ZNF549: variants seen among roughly 807,000 people sequenced by gnomAD.
ZNF549 encodes the protein zinc finger protein 549.
In ZNF549, 11 loss-of-function variants were observed where a neutral mutation model predicts 11.1. The observed-to-expected ratio is 0.99, with a 90% confidence interval of 0.62 to 1.64. ZNF549 has a LOEUF of 1.64. ZNF549 is among the 40% of genes most tolerant of loss of function. The pLI, the probability that ZNF549 is intolerant of heterozygous loss-of-function variation, is 0.00. For missense variants in ZNF549, 748 were observed against 765.1 expected (o/e 0.98, Z 0.26); for synonymous variants, 266 against 269.1 (o/e 0.99, Z 0.11).
Position 57,538,847 on chromosome 19 carries a change from T to C in ZNF549, c.1843T>C (p.Cys615Arg), listed in dbSNP as rs2089941610. The C allele has an allele frequency of 2.5e-6, 4 of 1,613,318 alleles. No individual in the cohort carries two copies. Among genetic ancestry groups the C allele is most frequent in the South Asian group, 1.1e-5 (1 of 91,086 alleles). ...CCACACCGGAGAAAAGCCGTATGAA[T>C]GTGGTAAATGTGGGAAAGCCTTCAA... The part of the protein sequence containing the change: ...RIHTGEKPYE[C>R]GKCGKAFNKR... Residue 615 changes from cysteine (C) to arginine (R), a missense_variant, in exon 4 of 4, where the codon TGT (cysteine) becomes CGT (arginine). By Grantham distance (180) the Cys-to-Arg change is radical (BLOSUM62 -3). Coordinates refer to ENST00000376233, the MANE Select transcript of ZNF549 (RefSeq NM_001199295.2).
rs2089937531 is a variant in ZNF549, at chr19:57,538,360, A to G, written c.1356A>G (p.Lys452=). The part of the protein sequence containing the change: ...EKPYVCIICG[K]SFIRSSDYMR... ...CTTATGTGTGCATCATATGTGGGAAATCATTTATCCGCTCGTCTGACTACA... is the reference window on the plus strand; with the variant it reads ...CTTATGTGTGCATCATATGTGGGAAGTCATTTATCCGCTCGTCTGACTACA... Residue 452 remains lysine, a synonymous_variant, in exon 4 of 4, where the codon AAA becomes AAG. Transcript: ENST00000376233. The G allele has an allele frequency of 3.7e-6, 6 of 1,613,928 alleles. No individual in the cohort carries two copies. In the Admixed American group the frequency reaches 5.0e-5, roughly 13 times the overall value.
At chr19:57,532,400 AG>A (rs2089907875) in intron 2 of ZNF549, among the ~76,000 whole-genome samples, 1 of 152,194 alleles carries the variant, frequency 6.6e-6, no homozygotes, top group African/African-American at 2.4e-5. Context: ...AATAGCTCTC[AG>A]GGAGTGGACT....
intron 1 of ZNF549, among the ~76,000 whole-genome samples, chr19:57,529,854 C>T (rs1489808365): frequency 1.3e-5 from 2 of 151,866 alleles, no homozygotes; most frequent in Admixed American, 6.6e-5. Context: ...CCACTACACT[C>T]CAGCCTGGGC....
intron 1 of ZNF549, among the ~76,000 whole-genome samples, chr19:57,528,685 T>G (rs1349789858): frequency 6.6e-6 from 1 of 152,192 alleles, no homozygotes; most frequent in Non-Finnish European, 1.5e-5. Flanking sequence ...TCAGAAGACT[T>G]GGCGAACTGT....
intron 1 of ZNF549, among the ~76,000 whole-genome samples, chr19:57,527,902 T>A (rs1390580869): frequency 6.6e-6 from 1 of 152,150 alleles, no homozygotes; most frequent in African/African-American, 2.4e-5. Flanking sequence ...CATGGCAGCC[T>A]GAGCAACCGG....
In ZNF549 at chr19:57,527,427, A is replaced by G; in HGVS notation, c.-147A>G. The stretch of plus-strand genomic sequence containing the variant: ...CGCTGGGTCCGGGCCAGGTAACTGG[A>G]GCCGGAAACCGGTGGAGGTGGTGTC... On this transcript the variant is annotated 5_prime_UTR_variant, in exon 1 of 4. Coordinates refer to ENST00000376233, the MANE Select transcript of ZNF549 (RefSeq NM_001199295.2). 2 of 1,169,870 alleles carry G rather than the reference A, an allele frequency of 1.7e-6. No individual in the cohort carries two copies. Among genetic ancestry groups the G allele is most frequent in the East Asian group, 2.6e-5 (1 of 38,798 alleles). The allele number at this position is 1,169,870 out of a possible 1,614,324, so 72.5% of individuals were successfully genotyped here. A position where few individuals can be genotyped will look rare whatever the true frequency, so the allele number is the denominator to read the frequency against.
Position 57,534,939 on chromosome 19 carries a change from A to G in ZNF549, c.73-205A>G, listed in dbSNP as rs551441424. Among the ~76,000 whole-genome samples, 4 of 152,294 alleles carry G rather than the reference A, an allele frequency of 2.6e-5. No individual in the cohort carries two copies. In the East Asian group the frequency reaches 7.7e-4, roughly 29 times the overall value. On this transcript the variant is annotated intron_variant, in intron 2 of 3. Transcript: ENST00000376233. ...ACTGGCACTTTAAACCAAGATGGTA[A>G]GCACAGGTTTCAGTATCTGGGTCTC...
intron 2 of ZNF549, among the ~76,000 whole-genome samples, chr19:57,534,163 C>G (rs749057578): frequency 3.9e-5 from 6 of 152,104 alleles, no homozygotes; most frequent in Non-Finnish European, 8.8e-5. Flanking sequence ...ATGACTGGGT[C>G]TCTTGCATGG....
Position 57,537,375 on chromosome 19 carries a change from G to A in ZNF549, c.371G>A (p.Gly124Glu), listed in dbSNP as rs1600165725. 1 of 1,614,148 alleles carries A rather than the reference G, an allele frequency of 6.2e-7. No individual in the cohort carries two copies. Residue 124 changes from glycine to glutamate, a missense_variant, in exon 4 of 4, where the codon GGG becomes GAG. Transcript: ENST00000376233. ...KDILYLSEHQ[G>E]TLPWQKPYTS... The stretch of plus-strand genomic sequence containing the variant: ...ATTTTGTACCTCAGTGAGCATCAGG[G>A]GACACTTCCCTGGCAGAAACCTTAT...
chr19:57,533,388 G>A (rs1039655071), intron 2 of ZNF549, among the ~76,000 whole-genome samples: 7 of 152,154 alleles, frequency 4.6e-5, no homozygotes, highest in African/African-American at 1.7e-4. Flanking sequence ...AGATAGATTA[G>A]GCTCTGATAA....
chr19:57,534,725 C>T (rs1421671303), intron 2 of ZNF549, among the ~76,000 whole-genome samples: 2 of 152,252 alleles, frequency 1.3e-5, no homozygotes, highest in Admixed American at 6.5e-5. Context: ...GTGCTGGATC[C>T]TTGTTGCATT....
In ZNF549 at chr19:57,540,520, G is replaced by A. The variant is rs1020040443; in HGVS notation, c.*1593G>A. 10 of 152,256 alleles carry A rather than the reference G, an allele frequency of 6.6e-5. No individual in the cohort carries two copies. The highest frequency in any genetic ancestry group is 4.6e-4 in the Admixed American group (7 of 15,286). 9.4% of individuals were successfully genotyped at this position (152,256 alleles called of 1,614,324 possible). On this transcript the variant is annotated 3_prime_UTR_variant, in exon 4 of 4. Coordinates refer to ENST00000376233, the MANE Select transcript of ZNF549 (RefSeq NM_001199295.2). ...CATGCCTGTAATCCCAGCACTTTGGGAGGCCAAGGCAGGTGGATCACCTGA... is the reference window on the plus strand; with the variant it reads ...CATGCCTGTAATCCCAGCACTTTGGAAGGCCAAGGCAGGTGGATCACCTGA...
Position 57,527,599 on chromosome 19 carries a change from C to T in ZNF549, c.26C>T (p.Thr9Met). The change falls in exon 1 of 4, where the codon ACG becomes ATG. Residue 9 changes from threonine to methionine, a missense_variant. Transcript: ENST00000376233. ...ATGGCCGAGGCAGCGCTAGTGATTA[C>T]GCCGCAGGTGAGAGCGGAGTCCTCG... MAEAALVITPQIPMVTEEF... is the reference protein window; with the variant it reads MAEAALVIMPQIPMVTEEF... 1 of 1,613,622 alleles carries T rather than the reference C, an allele frequency of 6.2e-7. No homozygotes were observed.
In ZNF549 at chr19:57,539,262, T is replaced by C. The variant is rs2089944213; in HGVS notation, c.*335T>C. On this transcript the variant is annotated 3_prime_UTR_variant, in exon 4 of 4. Transcript: ENST00000376233. ...AGGGTCCTCTTCCATCTTGCTGAAC[T>C]GTTCGAGGCAAAGACAAAACCCAAC... 2 of 195,924 alleles carry C rather than the reference T, an allele frequency of 1.0e-5. No homozygotes were observed. Among genetic ancestry groups the C allele is most frequent in the African/African-American group, 4.7e-5 (2 of 42,868 alleles). The allele number at this position is 195,924 out of a possible 1,614,324, so 12.1% of individuals were successfully genotyped here. A position where few individuals can be genotyped will look rare whatever the true frequency, so the allele number is the denominator to read the frequency against.
rs1184412360 is a variant in ZNF549 at position 57,537,575 on chromosome 19, T to C, written c.571T>C (p.Phe191Leu). ...LFPCKDVEKDFPTILGLLQHQ... is the reference protein window; with the variant it reads ...LFPCKDVEKDLPTILGLLQHQ... ...CCCATGCAAAGATGTTGAGAAGGAT[T>C]TTCCAACCATCCTGGGCCTTCTCCA... Residue 191 changes from phenylalanine (F) to leucine (L), a missense_variant, in exon 4 of 4, where the codon TTT becomes CTT. Physicochemically the swap from Phe to Leu is conservative, Grantham distance 22. Coordinates refer to ENST00000376233, the MANE Select transcript of ZNF549 (RefSeq NM_001199295.2). 1 of 1,614,136 alleles carries C rather than the reference T, an allele frequency of 6.2e-7. No homozygotes were observed. Among genetic ancestry groups the C allele is most frequent in the Non-Finnish European group, 8.5e-7 (1 of 1,180,028 alleles).
Position 57,538,664 on chromosome 19 carries a change from G to A in ZNF549, c.1660G>A (p.Glu554Lys), listed in dbSNP as rs140955096. ...TGAGCACCAGAAAGTTCACACTGGCGAAAAGCCCTGTGAGTGCAGTGAATG... is the reference window on the plus strand; with the variant it reads ...TGAGCACCAGAAAGTTCACACTGGCAAAAAGCCCTGTGAGTGCAGTGAATG... ...LLEHQKVHTG[E>K]KPCECSECGK... is the part of the protein sequence containing the mutation. The change falls in exon 4 of 4, where the codon GAA becomes AAA. Residue 554 changes from glutamate to lysine, a missense_variant. By Grantham distance (56) the Glu-to-Lys change is moderately conservative (BLOSUM62 1). Transcript: ENST00000376233. The A allele has an allele frequency of 2.6e-4, 425 of 1,614,184 alleles. 2 individuals are homozygous for A. In the East Asian group the frequency reaches 7.9e-3, roughly 30 times the overall value.
In ZNF549 at chr19:57,538,845, A is replaced by C. The variant is rs200979831; in HGVS notation, c.1841A>C (p.Glu614Ala). Residue 614 changes from glutamate to alanine, a missense_variant, in exon 4 of 4, where the codon GAA becomes GCA. Transcript: ENST00000376233. ...ATCCACACCGGAGAAAAGCCGTATG[A>C]ATGTGGTAAATGTGGGAAAGCCTTC... The part of the protein sequence containing the change: ...QRIHTGEKPY[E>A]CGKCGKAFNK... 2 of 1,613,464 alleles carry C rather than the reference A, an allele frequency of 1.2e-6. No homozygotes were observed. The highest frequency in any genetic ancestry group is 2.7e-5 in the African/African-American group (2 of 75,060).
rs1028194762 is a variant in ZNF549 at position 57,540,757 on chromosome 19, AAAAAACAAAAAC to A, written c.*1842_*1853del. ...CCTGGGCGACAGAGTGACACTTCTC[AAAAAACAAAAAC>A]AAAAACAAAAAGAACAGATAAGAAA... On this transcript the variant is annotated 3_prime_UTR_variant, in exon 4 of 4. Coordinates refer to ENST00000376233, the MANE Select transcript of ZNF549 (RefSeq NM_001199295.2). 1 of 151,168 alleles carries A rather than the reference AAAAAACAAAAAC, an allele frequency of 6.6e-6. No homozygotes were observed. Among genetic ancestry groups the A allele is most frequent in the African/African-American group, 2.4e-5 (1 of 41,084 alleles). The allele number at this position is 151,168 out of a possible 1,614,324, so 9.4% of individuals were successfully genotyped here.
In ZNF549 at chr19:57,537,460, CCAGG is replaced by C; in HGVS notation, c.457_460del (p.Gln153ThrfsTer17). ...GTTCTAACCTGCAACAGCACCAGAA[CCAGG>C]ACAGTGGAGAGAAACACATCAGAAA... On this transcript the variant is annotated frameshift_variant, in exon 4 of 4. Transcript: ENST00000376233. LOFTEE classifies it low-confidence loss of function (END_TRUNC). 2.5e-6 allele frequency: 4 copies of C among 1,614,172 alleles called. No individual in the cohort carries two copies. The highest frequency in any genetic ancestry group is 3.4e-6 in the Non-Finnish European group (4 of 1,180,040).
Sources: gnomAD v4.1 joint callset for allele counts (sites outside exome capture counted in the v4.1 genomes callset) on GRCh38, gnomAD v4.1.1 for gene constraint, MANE v1.5 for transcripts, NCBI Gene and HGNC (gene_info 2026-07-23, HGNC 2026-07-21) for gene names.